The following EXT1 variants were observed in gnomAD, a reference collection of about 807,000 sequenced individuals.
EXT1 encodes the protein exostosin-1.
In EXT1, 20 loss-of-function variants were observed where a neutral mutation model predicts 82.5. The observed-to-expected ratio is 0.24, with a 90% CI of 0.17 to 0.35. The LOEUF is 0.35. Ranked by LOEUF, EXT1 falls within the 10% of genes least tolerant of loss-of-function variation. The probability of loss-of-function intolerance (pLI) is 1.00; values close to 1 mark genes in which losing one functional copy is unlikely to be tolerated. For synonymous variants in EXT1, 348 were observed against 350.8 expected (o/e 0.99, Z 0.09); for missense variants, 757 against 936.5 (o/e 0.81, Z 2.50).
intron 1 of EXT1, among the ~76,000 whole-genome samples, chr8:117,905,684 C>T (rs1027419927): frequency 1.3e-5 from 2 of 151,954 alleles, no homozygotes; most frequent in African/African-American, 2.4e-5. Flanking sequence ...TGGTGGCGGG[C>T]GCCTGCAGTC....
At chr8:118,098,525 G>A (rs1423844232) in intron 1 of EXT1, among the ~76,000 whole-genome samples, 7 of 152,064 alleles carry the variant, frequency 4.6e-5, no homozygotes, top group Non-Finnish European at 1.0e-4. Flanking sequence ...GGGAGGCCGA[G>A]GCGGACAGAT....
chr8:117,899,980 TGGAC>T lies in EXT1; in HGVS notation c.963-62783_963-62780del, dbSNP rs563309208. 3.3e-3 allele frequency among the ~76,000 whole-genome samples: 500 copies of T among 152,198 alleles called. 2 individuals carry two copies. The highest frequency in any genetic ancestry group is 0.011 in the African/African-American group (476 of 41,530). ...AGTTCTCCGTTCAACTACAGCAAAA[TGGAC>T]TGAGCTCCCATCACATGCCAGGTGT... On this transcript the variant is annotated intron_variant, in intron 1 of 10. Coordinates refer to ENST00000378204, the MANE Select transcript of EXT1 (RefSeq NM_000127.3).
rs571740507 is a variant in EXT1, at chr8:117,916,742, G to A, written c.963-79541C>T. Among the ~76,000 whole-genome samples the A allele has an allele frequency of 1.1e-4, 17 of 151,540 alleles. No homozygotes were observed. The East Asian group carries it at 1.2e-3, about 10-fold the overall frequency. ...AGTCTGGCCAACATGGTGAAACCCC[G>A]TCTCTACTAAAAATAGAAAAATTAG... On this transcript the variant is annotated intron_variant, in intron 1 of 10. Transcript: ENST00000378204.
chr8:118,013,637 T>C (rs779005857), intron 1 of EXT1, among the ~76,000 whole-genome samples: 3 of 152,168 alleles, frequency 2.0e-5, no homozygotes, highest in Non-Finnish European at 4.4e-5. Context: ...AGTCAGAAAG[T>C]ACGATCATAC....
At chr8:117,863,014 G>C (rs566390664) in intron 1 of EXT1, among the ~76,000 whole-genome samples, 2 of 152,146 alleles carry the variant, frequency 1.3e-5, no homozygotes, top group Non-Finnish European at 2.9e-5. Flanking sequence ...AGGAAGGGAA[G>C]TGATATGGTC....
At chr8:117,858,009 A>C (rs1812595425) in intron 1 of EXT1, among the ~76,000 whole-genome samples, 2 of 152,240 alleles carry the variant, frequency 1.3e-5, no homozygotes, top group Non-Finnish European at 2.9e-5. Flanking sequence ...AGAGATCTAT[A>C]ATTAGAAGTG....
chr8:117,925,686 C>T lies in EXT1; in HGVS notation c.963-88485G>A, dbSNP rs368905447. On this transcript the variant is annotated intron_variant, in intron 1 of 10. Transcript: ENST00000378204. ...GAATTCAAGACTAGCCTAAGTAACACAGGGATACCCTGTCTCTACAAAAAA... is the reference window on the plus strand; with the variant it reads ...GAATTCAAGACTAGCCTAAGTAACATAGGGATACCCTGTCTCTACAAAAAA... 1.1e-3 allele frequency among the ~76,000 whole-genome samples: 120 copies of T among 113,982 alleles called. 1 individual carries two copies. In the South Asian group the frequency reaches 0.031, roughly 30 times the overall value. 74.8% of individuals were successfully genotyped at this position (113,982 alleles called of 152,430 possible). A position where few individuals can be genotyped will look rare whatever the true frequency, so the allele number is the denominator to read the frequency against.
rs188903574 is a variant in EXT1 at position 117,994,498 on chromosome 8, C to T, written c.962+115587G>A. 4.0e-3 allele frequency among the ~76,000 whole-genome samples: 615 copies of T among 152,288 alleles called. 17 individuals carry two copies. The highest frequency in any genetic ancestry group is 0.038 in the Admixed American group (587 of 15,296). On this transcript the variant is annotated intron_variant, in intron 1 of 10. Transcript: ENST00000378204. ...TGGTGATACACGTCTGTAGTCCCAG[C>T]TACTAGGGAGAGTGAGGCAGGAGGA...
intron 1 of EXT1, among the ~76,000 whole-genome samples, chr8:117,889,981 A>AATAGCTATTCT (rs1813214970): frequency 6.6e-6 from 1 of 152,208 alleles, no homozygotes; most frequent in Non-Finnish European, 1.5e-5. Context: ...AAAACCACTT[A>AATAGCTATTCT]GAATAGCTTT....
chr8:117,939,922 A>G (rs1045639394), intron 1 of EXT1, among the ~76,000 whole-genome samples: 1 of 152,230 alleles, frequency 6.6e-6, no homozygotes, highest in Non-Finnish European at 1.5e-5. Context: ...GAATGAATGA[A>G]TGAGTGCTTC....
chr8:117,815,755 A>G (rs548999827), intron 7 of EXT1, among the ~76,000 whole-genome samples: 4 of 152,090 alleles, frequency 2.6e-5, no homozygotes, highest in Admixed American at 1.3e-4. Context: ...ACATGGAGAA[A>G]CCCCCTCTCT....
chr8:117,942,550 A>G (rs1814304631), intron 1 of EXT1, among the ~76,000 whole-genome samples: 1 of 152,066 alleles, frequency 6.6e-6, no homozygotes, highest in African/African-American at 2.4e-5. Context: ...CATCTCTACT[A>G]AAAATACAAA....
intron 1 of EXT1, among the ~76,000 whole-genome samples, chr8:117,900,893 C>A (rs1813434536): frequency 6.6e-6 from 1 of 152,248 alleles, no homozygotes; most frequent in Admixed American, 6.5e-5. Flanking sequence ...ACATTCTTTT[C>A]CTCAAGTAAT....
intron 1 of EXT1, among the ~76,000 whole-genome samples, chr8:117,917,898 T>C (rs898231283): frequency 1.3e-5 from 2 of 152,174 alleles, no homozygotes; most frequent in African/African-American, 4.8e-5. Context: ...ATGCCTAACA[T>C]GTGCCTTGGG....
rs189025381 is a variant in EXT1 at position 117,874,355 on chromosome 8, C to G, written c.963-37154G>C. Among the ~76,000 whole-genome samples, 526 of 152,142 alleles carry G rather than the reference C, an allele frequency of 3.5e-3. 12 individuals carry two copies. Among genetic ancestry groups the G allele is most frequent in the Admixed American group, 0.03 (454 of 15,288 alleles). On this transcript the variant is annotated intron_variant, in intron 1 of 10. Coordinates refer to ENST00000378204, the MANE Select transcript of EXT1 (RefSeq NM_000127.3). ...TTTGGGAAGGCTGAGGCAGGCAGAT[C>G]ACCTGAGGTCAGGAGTTCAAGACCA...
chr8:117,946,589 C>T (rs1022952057), intron 1 of EXT1, among the ~76,000 whole-genome samples: 2 of 152,060 alleles, frequency 1.3e-5, no homozygotes, highest in African/African-American at 4.8e-5. Context: ...GTAGCTTGGG[C>T]GAGCATGGAA....
intron 1 of EXT1, among the ~76,000 whole-genome samples, chr8:118,041,681 G>GGAAA (rs1444918018): frequency 1.4e-5 from 2 of 144,728 alleles, no homozygotes; most frequent in Non-Finnish European, 3.0e-5. Flanking sequence ...AAGGAAGGAA[G>GGAAA]GAAGGAAGGA....
chr8:118,047,382 T>G (rs1028205937), intron 1 of EXT1, among the ~76,000 whole-genome samples: 2 of 152,186 alleles, frequency 1.3e-5, no homozygotes, highest in Non-Finnish European at 2.9e-5. Context: ...TAATAGTACT[T>G]AACCCTCTTA....
At chr8:117,870,012 C>T (rs182035673) in intron 1 of EXT1, among the ~76,000 whole-genome samples, 5 of 152,048 alleles carry the variant, frequency 3.3e-5, no homozygotes, top group East Asian at 1.9e-4. Flanking sequence ...ACCCCTGTTG[C>T]GAGAATCAAT....
Sources: gnomAD v4.1 joint callset for allele counts (sites outside exome capture counted in the v4.1 genomes callset) on GRCh38, gnomAD v4.1.1 for gene constraint, MANE v1.5 for transcripts, NCBI Gene and HGNC (gene_info 2026-07-23, HGNC 2026-07-21) for gene names.